Variants in ADGRL3 observed in about 807,000 individuals in gnomAD.
The protein encoded by ADGRL3 is calcium-independent alpha-latrotoxin receptor 3.
Under a neutral mutation model 153.5 loss-of-function variants are expected in ADGRL3, and 62 were observed. That is an observed-to-expected ratio of 0.40 (90% CI 0.33 to 0.50). The LOEUF is 0.50. ADGRL3 is among the 20% of genes least tolerant of loss of function. The pLI is 0.47. For synonymous variants in ADGRL3, 710 were observed against 672.5 expected (o/e 1.06, Z -0.86); for missense variants, 1,641 against 1,859.4 (o/e 0.88, Z 2.16).
At chr4:61,790,570 T>C (rs1430373047) in intron 8 of ADGRL3, among the ~76,000 whole-genome samples, 1 of 152,224 alleles carries the variant, frequency 6.6e-6, no homozygotes, top group African/African-American at 2.4e-5. Context: ...ATGTGGTCTC[T>C]CTCACTCTTT....
intron 9 of ADGRL3, among the ~76,000 whole-genome samples, chr4:61,841,450 C>T (rs1387134677): frequency 6.6e-6 from 1 of 152,166 alleles, no homozygotes; most frequent in African/African-American, 2.4e-5. Context: ...GTTCTTCACA[C>T]CATTTCATCA....
intron 6 of ADGRL3, among the ~76,000 whole-genome samples, chr4:61,702,456 T>C (rs2095785167): frequency 6.6e-6 from 1 of 152,196 alleles, no homozygotes; most frequent in Non-Finnish European, 1.5e-5. Flanking sequence ...ATAACTTTAT[T>C]TTATAATTTG....
At position 61,364,344 on chromosome 4, in the gene ADGRL3, AAAT is replaced by A. The variant is rs1451513959; in HGVS notation, c.-239-18764_-239-18762del. ...GAGACTCCGTCTCAAAAAAAAAAAAAAATAATAATAATAATAATTTTAAAAATC... is the reference window on the plus strand; with the variant it reads ...GAGACTCCGTCTCAAAAAAAAAAAAAAATAATAATAATAATTTTAAAAATC... On this transcript the variant is annotated intron_variant, in intron 1 of 26. Transcript: ENST00000683033. Among the ~76,000 whole-genome samples, 892 of 144,856 alleles carry A rather than the reference AAAT, an allele frequency of 6.2e-3. 10 individuals are homozygous for A. The highest frequency in any genetic ancestry group is 0.018 in the African/African-American group (722 of 39,316).
chr4:62,063,826 C>T (rs1242088833), intron 25 of ADGRL3, among the ~76,000 whole-genome samples: 3 of 151,970 alleles, frequency 2.0e-5, no homozygotes, highest in Non-Finnish European at 4.4e-5. Context: ...AAAATGGATT[C>T]CTTCTGATAA....
intron 1 of ADGRL3, among the ~76,000 whole-genome samples, chr4:61,295,805 A>G (rs78858586): frequency 4.0e-5 from 3 of 75,774 alleles, no homozygotes; most frequent in Admixed American, 1.2e-4. Flanking sequence ...ACACAGATTT[A>G]AAAAAAAAAA....
intron 11 of ADGRL3, among the ~76,000 whole-genome samples, chr4:61,898,096 C>T (rs2098641977): frequency 6.6e-6 from 1 of 152,042 alleles, no homozygotes; most frequent in Admixed American, 6.6e-5. Context: ...CTCCATTTAC[C>T]TGTCAAGCGA....
At chr4:61,627,772 C>T (rs916633118) in intron 5 of ADGRL3, among the ~76,000 whole-genome samples, 1 of 152,178 alleles carries the variant, frequency 6.6e-6, no homozygotes, top group African/African-American at 2.4e-5. Context: ...TCTAAGTCCA[C>T]CCTGCCTGCT....
At chr4:61,914,051 A>G (rs2098734124) in intron 13 of ADGRL3, among the ~76,000 whole-genome samples, 1 of 152,166 alleles carries the variant, frequency 6.6e-6, no homozygotes. Flanking sequence ...ATCTAGGAGA[A>G]AATATTGATG....
chr4:61,419,616 A>T (rs2097179522), intron 2 of ADGRL3, among the ~76,000 whole-genome samples: 1 of 152,184 alleles, frequency 6.6e-6, no homozygotes, highest in African/African-American at 2.4e-5. Context: ...CTCCACACAG[A>T]CAGTGGCCCC....
intron 2 of ADGRL3, among the ~76,000 whole-genome samples, chr4:61,423,971 T>C (rs1044501460): frequency 6.6e-6 from 1 of 151,996 alleles, no homozygotes; most frequent in African/African-American, 2.4e-5. Context: ...TGAATGTTAA[T>C]GAGAAATTTA....
chr4:61,720,586 CT>C (rs2096225040), intron 6 of ADGRL3, among the ~76,000 whole-genome samples: 1 of 152,138 alleles, frequency 6.6e-6, no homozygotes, highest in Admixed American at 6.5e-5. Context: ...AGTATTTGCT[CT>C]TTAATCAGTG....
rs571055264 is a variant in ADGRL3, at chr4:61,865,968, A to G, written c.1481-26688A>G. 5.2e-4 allele frequency among the ~76,000 whole-genome samples: 79 copies of G among 152,318 alleles called. 2 individuals carry two copies. The highest frequency in any genetic ancestry group is 4.3e-3 in the South Asian group (21 of 4,830). ...ATTTTTGTATTACCCCATTGAGGAA[A>G]GTTTGACAGTGAAAATGAATGATGC... On this transcript the variant is annotated intron_variant, in intron 9 of 26. Coordinates refer to ENST00000683033, the MANE Select transcript of ADGRL3 (RefSeq NM_001387552.1).
intron 9 of ADGRL3, among the ~76,000 whole-genome samples, chr4:61,840,415 T>C (rs1396625785): frequency 6.6e-6 from 1 of 152,234 alleles, no homozygotes; most frequent in East Asian, 1.9e-4. Flanking sequence ...ATACATGTTA[T>C]GATATTAAAT....
chr4:61,981,491 T>A (rs2150839593), intron 18 of ADGRL3, among the ~76,000 whole-genome samples: 1 of 150,564 alleles, frequency 6.6e-6, no homozygotes, highest in African/African-American at 2.4e-5. Flanking sequence ...TATTGCAACC[T>A]ACATTTAGTC....
intron 8 of ADGRL3, among the ~76,000 whole-genome samples, chr4:61,776,079 T>A (rs559317706): frequency 6.6e-6 from 1 of 152,102 alleles, no homozygotes; most frequent in East Asian, 1.9e-4. Context: ...TTTTTGTATT[T>A]TTAGTAGAGA....
rs182339191 is a variant in ADGRL3, at chr4:61,462,109, A to G, written c.-173-35012A>G. Among the ~76,000 whole-genome samples the G allele has an allele frequency of 5.2e-4, 79 of 152,300 alleles. 1 individual carries two copies. Among genetic ancestry groups the G allele is most frequent in the Non-Finnish European group, 5.4e-4 (37 of 68,020 alleles). ...TTAATAGCCCTTTTGCAAACCTGGT[A>G]ATCTCCACTGAATGCATAAATGGAG... On this transcript the variant is annotated intron_variant, in intron 2 of 26. Coordinates refer to ENST00000683033, the MANE Select transcript of ADGRL3 (RefSeq NM_001387552.1).
Position 61,841,830 on chromosome 4 carries a change from G to C in ADGRL3, c.1480+27941G>C, listed in dbSNP as rs11933007. Among the ~76,000 whole-genome samples the C allele has an allele frequency of 2.2e-3, 338 of 152,270 alleles. 2 individuals are homozygous for C. Among genetic ancestry groups the C allele is most frequent in the African/African-American group, 8.0e-3 (333 of 41,540 alleles). On this transcript the variant is annotated intron_variant, in intron 9 of 26. Transcript: ENST00000683033. ...CTTGCTGTCTAGACTTTACTCTTGT[G>C]TGTGCACACATTGTTATTATAATAC... is the stretch of plus-strand genomic sequence containing the variant.
chr4:61,532,555 C>CGCGCGTGTGTGT (rs760218872), intron 4 of ADGRL3, among the ~76,000 whole-genome samples: 7 of 131,472 alleles, frequency 5.3e-5, no homozygotes, highest in African/African-American at 2.0e-4. Context: ...CGCGCGCGCG[C>CGCGCGTGTGTGT]GTGTGTGTGT....
intron 1 of ADGRL3, among the ~76,000 whole-genome samples, chr4:61,231,923 A>T (rs1392585223): frequency 6.6e-6 from 1 of 152,000 alleles, no homozygotes; most frequent in African/African-American, 2.4e-5. Flanking sequence ...TTACAATGCT[A>T]GGATGAGACC....
Sources: allele counts gnomAD v4.1 joint callset (sites outside exome capture counted in the v4.1 genomes callset), GRCh38; gene constraint gnomAD v4.1.1; transcripts MANE v1.5; gene names NCBI Gene and HGNC (gene_info 2026-07-23, HGNC 2026-07-21).